ZFYVE26: variants seen among roughly 807,000 people sequenced by gnomAD.
ZFYVE26 encodes the protein zinc finger FYVE domain-containing protein 26.
ZFYVE26 carries 181 observed loss-of-function variants against 276.5 expected under a neutral mutation model. The observed-to-expected ratio is 0.65, with a 90% CI of 0.58 to 0.74. The LOEUF is 0.74. Ranked by LOEUF, ZFYVE26 falls within the 30% of genes least tolerant of loss-of-function variation. The pLI, the probability that ZFYVE26 is intolerant of heterozygous loss-of-function variation, is 0.00. For missense variants in ZFYVE26, 2,821 were observed against 3,097.9 expected (o/e 0.91, Z 2.12); for synonymous variants, 1,129 against 1,203.1 (o/e 0.94, Z 1.27).
intron 14 of ZFYVE26, among the ~76,000 whole-genome samples, chr14:67,793,247 ACT>A (rs2039866632): frequency 6.8e-6 from 1 of 147,664 alleles, no homozygotes; most frequent in Non-Finnish European, 1.5e-5. Context: ...ACAGAGCAAG[ACT>A]CTGTCTCAAA....
intron 10 of ZFYVE26, among the ~76,000 whole-genome samples, chr14:67,800,924 T>TAAAAATAAATAA (rs59890733): frequency 0.067 from 9,903 of 148,636 alleles, 634 homozygotes; most frequent in African/African-American, 0.16. Context: ...AAAGTTACCG[T>TAAAAATAAATAA]ATAAATAAAT....
intron 29 of ZFYVE26, among the ~76,000 whole-genome samples, chr14:67,769,087 A>G (rs2039135511): frequency 6.6e-6 from 1 of 152,206 alleles, no homozygotes; most frequent in South Asian, 2.1e-4. Flanking sequence ...CTGTCTCGCC[A>G]GAGGTATGAG....
intron 32 of ZFYVE26, among the ~76,000 whole-genome samples, chr14:67,765,611 G>A (rs1396330702): frequency 6.6e-6 from 1 of 152,208 alleles, no homozygotes. Context: ...GAGTGGATAA[G>A]CAGGGAATTA....
chr14:67,786,180 C>T lies in ZFYVE26; in HGVS notation c.3073G>A (p.Val1025Ile), dbSNP rs2039650864. 1.2e-6 allele frequency: 2 copies of T among 1,612,032 alleles called. No homozygotes were observed. The highest frequency in any genetic ancestry group is 1.7e-6 in the Non-Finnish European group (2 of 1,179,730). The change falls in exon 17 of 42, where the codon GTT (valine) becomes ATT (isoleucine). Residue 1025 changes from valine to isoleucine, a missense_variant. Val to Ile is a conservative substitution (Grantham distance 29, BLOSUM62 3). Transcript: ENST00000347230. ...LNADGIRGFP[V>I]VLQQISKSLN... ...CTCTTACTGATTTGCTGAAGAACAA[C>T]TGGAAAACCTCGAATGCCATCAGCA...
At chr14:67,799,223 G>T in intron 10 of ZFYVE26, 1 of 1,613,192 alleles carries the variant, frequency 6.2e-7, no homozygotes, top group Admixed American at 1.7e-5. Context: ...TATTAAACAG[G>T]CCTATCTGGA....
intron 21 of ZFYVE26, 96 bp from the exon 22 acceptor site, chr14:67,781,625 C>G: frequency 8.6e-7 from 1 of 1,157,058 alleles, no homozygotes; most frequent in Non-Finnish European, 1.3e-6. Context: ...TCTTCAATCT[C>G]GTAAAAGAGG....
rs2039532037 is a variant in ZFYVE26 at position 67,782,695 on chromosome 14, A to G, written c.4372+85T>C. On this transcript the variant is annotated intron_variant, in intron 21 of 41. Transcript: ENST00000347230. ...TATAGTGGGGCTTCTCTCTAGAGTT[A>G]CCGTGAGGATTAAATGTGATAATAT... The G allele has an allele frequency of 1.9e-6, 3 of 1,582,692 alleles. No individual in the cohort carries two copies. In the South Asian group the frequency reaches 3.3e-5, roughly 18 times the overall value.
At chr14:67,781,693 T>C (rs879862328) in intron 21 of ZFYVE26, among the ~76,000 whole-genome samples, 164 bp from the exon 22 acceptor site, 1 of 152,132 alleles carries the variant, frequency 6.6e-6, no homozygotes, top group Admixed American at 6.6e-5. Flanking sequence ...CTTGGAACCA[T>C]TATATGACAA....
intron 27 of ZFYVE26, among the ~76,000 whole-genome samples, chr14:67,774,663 T>C (rs2039295085): frequency 6.6e-6 from 1 of 152,090 alleles, no homozygotes; most frequent in Non-Finnish European, 1.5e-5. Flanking sequence ...ATCTCCTTTG[T>C]AGAAAAAAGG....
In ZFYVE26 at chr14:67,789,558, CA is replaced by C. The variant is rs765748845; in HGVS notation, c.2795del (p.Leu932ArgfsTer18). ...GGATGGGGTCTCCAGAGGTGTTGAG[CA>C]GCTTGTCAGTCACGTCAGAGATAGA... Reference protein sequence around the residue: ...FYSISDVTDKLLNTSGDPIPM... With the variant: ...FYSISDVTDKXLNTSGDPIPM... On this transcript the variant is annotated frameshift_variant, in exon 16 of 42. Transcript: ENST00000347230. LOFTEE classifies it high-confidence loss of function. 10 of 1,614,146 alleles carry C rather than the reference CA, an allele frequency of 6.2e-6. No individual in the cohort carries two copies. Among genetic ancestry groups the C allele is most frequent in the African/African-American group, 1.3e-5 (1 of 75,032 alleles).
chr14:67,806,478 T>C (rs962980727), intron 6 of ZFYVE26, 67 bp downstream of exon 6: 5 of 1,600,794 alleles, frequency 3.1e-6, no homozygotes, highest in South Asian at 1.1e-5. Flanking sequence ...GGGAGAGAAA[T>C]GAGGAATGAA....
intron 15 of ZFYVE26, 36 bp downstream of exon 15, chr14:67,790,536 A>C: frequency 1.2e-6 from 2 of 1,609,896 alleles, no homozygotes; most frequent in Non-Finnish European, 1.7e-6. Flanking sequence ...TCTCCCAGCC[A>C]CCTCACCACT....
intron 19 of ZFYVE26, 67 bp downstream of exon 19, chr14:67,784,992 T>G (rs2039610185): frequency 6.5e-7 from 1 of 1,542,222 alleles, no homozygotes; most frequent in Non-Finnish European, 9.0e-7. Flanking sequence ...TTGTGCATCT[T>G]TTCTCTTCCT....
At chr14:67,743,030 G>T (rs2038435176), downstream of ZFYVE26, among the ~76,000 whole-genome samples, 1 of 150,264 alleles carries the variant, frequency 6.7e-6, no homozygotes, top group African/African-American at 2.5e-5. Context: ...TGTAGTGAGG[G>T]TCTCATTATG....
chr14:67,784,289 A>G, intron 20 of ZFYVE26, 45 bp downstream of exon 20: 1 of 1,533,296 alleles, frequency 6.5e-7, no homozygotes, highest in Non-Finnish European at 9.0e-7. Context: ...TATTGATGAA[A>G]TCATCCGAAG....
intron 35 of ZFYVE26, 81 bp from the exon 36 acceptor site, chr14:67,756,226 A>T: frequency 7.0e-7 from 1 of 1,430,588 alleles, no homozygotes; most frequent in South Asian, 1.2e-5. Flanking sequence ...ATTTCCTTCT[A>T]TTGATGAACC....
At chr14:67,731,000 AT>A (rs2038264037) in intron 13 of ZFYVE26, among the ~76,000 whole-genome samples, 1 of 152,108 alleles carries the variant, frequency 6.6e-6, no homozygotes, top group African/African-American at 2.4e-5. Flanking sequence ...AAGATATCTC[AT>A]TTTTTATATT....
In ZFYVE26 at chr14:67,781,454, T is replaced by C. The variant is rs758590447; in HGVS notation, c.4448A>G (p.Asp1483Gly). Residue 1483 changes from aspartate (D) to glycine (G), a missense_variant, in exon 22 of 42, where the codon GAC (aspartate) becomes GGC (glycine). Transcript: ENST00000347230. Reference sequence around the variant, plus strand: ...CAGGCATGACTCCAGGGGCCACCTGTCCACAAACTGTAGGGCCAGCCGACT... The same window carrying C: ...CAGGCATGACTCCAGGGGCCACCTGCCCACAAACTGTAGGGCCAGCCGACT... Reference protein sequence around the residue: ...LRSRLALQFVDRWPLESCLEI... With the variant: ...LRSRLALQFVGRWPLESCLEI... 4.3e-6 allele frequency: 7 copies of C among 1,614,160 alleles called. No individual in the cohort carries two copies. The South Asian group carries it at 7.7e-5, about 18-fold the overall frequency.
chr14:67,734,977 T>G (rs1319980150), intron 13 of ZFYVE26, among the ~76,000 whole-genome samples: 1 of 152,214 alleles, frequency 6.6e-6, no homozygotes, highest in East Asian at 1.9e-4. Context: ...TTTAAAGACA[T>G]TTTGTTAAAT....
Sources: gnomAD v4.1 joint callset for allele counts (sites outside exome capture counted in the v4.1 genomes callset) on GRCh38, gnomAD v4.1.1 for gene constraint, MANE v1.5 for transcripts, NCBI Gene and HGNC (gene_info 2026-07-23, HGNC 2026-07-21) for gene names.